CABCOCO1: variants seen among roughly 807,000 people sequenced by gnomAD.
The protein encoded by CABCOCO1 is ciliary-associated calcium-binding coiled-coil protein 1.
In CABCOCO1, 28 loss-of-function variants were observed where a neutral mutation model predicts 35.7. That is an observed-to-expected ratio of 0.78 (90% CI 0.58 to 1.07). The LOEUF (loss-of-function observed/expected upper bound fraction) is 1.07. CABCOCO1 is among the 50% of genes least tolerant of loss of function. The pLI, the probability that CABCOCO1 is intolerant of heterozygous loss-of-function variation, is 0.00. For synonymous variants in CABCOCO1, 95 were observed against 100.1 expected, an observed-to-expected ratio of 0.95 and a Z score of 0.30; for missense variants, 326 against 309.2, an observed-to-expected ratio of 1.05 and a Z score of -0.41.
intron 5 of CABCOCO1, among the ~76,000 whole-genome samples, chr10:61,698,360 T>C (rs963325310): frequency 4.6e-5 from 7 of 152,196 alleles, no homozygotes; most frequent in Non-Finnish European, 4.4e-5. Flanking sequence ...GCAGTCCATG[T>C]GTTTAATGGA....
chr10:61,710,253 AGTGTGT>A (rs55784501), intron 5 of CABCOCO1, among the ~76,000 whole-genome samples: 5,542 of 146,602 alleles, frequency 0.038, 194 homozygotes, highest in African/African-American at 0.086. Context: ...TGTGTGTGTG[AGTGTGT>A]GTGTGTGTGT....
chr10:61,693,595 G>A (rs1840214139), intron 5 of CABCOCO1, among the ~76,000 whole-genome samples: 1 of 152,004 alleles, frequency 6.6e-6, no homozygotes, highest in Non-Finnish European at 1.5e-5. Context: ...AATAGATCTA[G>A]GCAATGATGA....
At chr10:61,739,639 T>C (rs1034813289) in intron 5 of CABCOCO1, among the ~76,000 whole-genome samples, 12 of 151,830 alleles carry the variant, frequency 7.9e-5, no homozygotes, top group Admixed American at 5.9e-4. Flanking sequence ...GCAACGGTAA[T>C]GGAAAGGAAT....
intron 5 of CABCOCO1, among the ~76,000 whole-genome samples, chr10:61,710,014 A>C (rs896944416): frequency 2.0e-5 from 3 of 152,100 alleles, no homozygotes; most frequent in African/African-American, 7.2e-5. Flanking sequence ...TTGTAAATTT[A>C]AATTTTTGTT....
intron 7 of CABCOCO1, among the ~76,000 whole-genome samples, chr10:61,762,530 C>T (rs1205577819): frequency 1.3e-5 from 2 of 152,006 alleles, no homozygotes; most frequent in African/African-American, 4.8e-5. Context: ...CAGCCTGGGC[C>T]AAATTACTGC....
At chr10:61,708,420 G>T (rs930817588) in intron 5 of CABCOCO1, among the ~76,000 whole-genome samples, 1 of 151,834 alleles carries the variant, frequency 6.6e-6, no homozygotes, top group Non-Finnish European at 1.5e-5. Flanking sequence ...TTTTCCATTC[G>T]GGCTGCTATA....
chr10:61,737,981 G>A (rs1252158183), intron 5 of CABCOCO1, among the ~76,000 whole-genome samples: 1 of 151,494 alleles, frequency 6.6e-6, no homozygotes, highest in Non-Finnish European at 1.5e-5. Flanking sequence ...ATGATATCTG[G>A]GGAAAATGTG....
chr10:61,716,937 G>T (rs1435878622), intron 5 of CABCOCO1, among the ~76,000 whole-genome samples: 3 of 151,632 alleles, frequency 2.0e-5, no homozygotes, highest in Non-Finnish European at 4.4e-5. Context: ...ATACAGATAG[G>T]CAAAAATGAA....
chr10:61,666,173 C>G (rs1446624692), intron 1 of CABCOCO1, among the ~76,000 whole-genome samples: 1 of 152,220 alleles, frequency 6.6e-6, no homozygotes, highest in Admixed American at 6.5e-5. Context: ...ATAGACAACT[C>G]TCTCTACATT....
In CABCOCO1 at chr10:61,677,415, A is replaced by G. The variant is rs576484385; in HGVS notation, c.165-3728A>G. 2.0e-5 allele frequency among the ~76,000 whole-genome samples: 3 copies of G among 152,066 alleles called. No individual in the cohort carries two copies. The South Asian group carries it at 6.2e-4, about 32-fold the overall frequency. ...CTGATCTATTATTAACTGTATTTAG[A>G]CCTCTCTCCTATTGATAAGACTTAA... On this transcript the variant is annotated intron_variant, in intron 2 of 7. Transcript: ENST00000648843.
intron 5 of CABCOCO1, among the ~76,000 whole-genome samples, chr10:61,742,203 G>A (rs1489049650): frequency 6.6e-6 from 1 of 152,160 alleles, no homozygotes; most frequent in Non-Finnish European, 1.5e-5. Flanking sequence ...AGACTCGGGG[G>A]GAGACAGGGC....
In CABCOCO1 at chr10:61,760,902, G is replaced by A. The variant is rs531051840; in HGVS notation, c.715G>A (p.Glu239Lys). ...QEQGPEESQPETDTSDMDPLV... is the reference protein window; with the variant it reads ...QEQGPEESQPKTDTSDMDPLV... The stretch of plus-strand genomic sequence containing the variant: ...ACAAGGCCCTGAGGAGTCTCAGCCA[G>A]AAACTGACACCTCAGACATGGATCC... Residue 239 changes from glutamate (E) to lysine (K), a missense_variant, in exon 7 of 8, where the codon GAA (glutamate) becomes AAA (lysine). Glu to Lys is a moderately conservative substitution (Grantham distance 56). Coordinates refer to ENST00000648843, the MANE Select transcript of CABCOCO1 (RefSeq NM_001366906.2). The A allele has an allele frequency of 4.3e-6, 7 of 1,612,756 alleles. No individual in the cohort carries two copies. In the Admixed American group the frequency reaches 5.0e-5, roughly 12 times the overall value.
At chr10:61,749,401 TACAC>T (rs1236490588) in intron 5 of CABCOCO1, among the ~76,000 whole-genome samples, 1 of 152,238 alleles carries the variant, frequency 6.6e-6, no homozygotes, top group Non-Finnish European at 1.5e-5. Flanking sequence ...CTTTCCTGTT[TACAC>T]AAATGAAATA....
chr10:61,682,194 A>G (rs1195979737), intron 3 of CABCOCO1, among the ~76,000 whole-genome samples: 1 of 152,146 alleles, frequency 6.6e-6, no homozygotes, highest in Non-Finnish European at 1.5e-5. Flanking sequence ...CATTTCTTCT[A>G]TGTGAAACTT....
intron 5 of CABCOCO1, among the ~76,000 whole-genome samples, chr10:61,751,213 C>CTTT (rs57540074): frequency 4.3e-4 from 46 of 106,494 alleles, no homozygotes; most frequent in Middle Eastern, 5.3e-3. Context: ...TTGCCTTGCT[C>CTTT]TTTTTTTTTT....
chr10:61,702,388 C>T (rs1365988765), intron 5 of CABCOCO1, among the ~76,000 whole-genome samples: 1 of 152,052 alleles, frequency 6.6e-6, no homozygotes, highest in African/African-American at 2.4e-5. Flanking sequence ...CTCTGGGTAG[C>T]AATTACTAAT....
At chr10:61,719,475 C>A (rs1421556334) in intron 5 of CABCOCO1, among the ~76,000 whole-genome samples, 7 of 151,996 alleles carry the variant, frequency 4.6e-5, no homozygotes, top group Admixed American at 4.6e-4. Context: ...TTCTCACCCC[C>A]ACACCCTCCA....
At chr10:61,741,090 G>A (rs979852014) in intron 5 of CABCOCO1, among the ~76,000 whole-genome samples, 1 of 152,132 alleles carries the variant, frequency 6.6e-6, no homozygotes, top group East Asian at 1.9e-4. Context: ...GTTGCAGTGA[G>A]CCAAGATCGC....
intron 5 of CABCOCO1, among the ~76,000 whole-genome samples, chr10:61,722,407 C>A (rs72823813): frequency 0.1 from 15,255 of 152,012 alleles, 927 homozygotes; most frequent in Middle Eastern, 0.17. Context: ...AAAAGTAAAT[C>A]TAAATGAAAA....
Sources: gnomAD v4.1 joint callset for allele counts (sites outside exome capture counted in the v4.1 genomes callset) on GRCh38, gnomAD v4.1.1 for gene constraint, MANE v1.5 for transcripts, NCBI Gene and HGNC (gene_info 2026-07-23, HGNC 2026-07-21) for gene names.